CDH18: variants seen among roughly 807,000 people sequenced by gnomAD.
CDH18 encodes the protein cadherin-18.
A neutral mutation model predicts 67.9 loss-of-function variants in CDH18; 31 were observed. That is an observed-to-expected ratio of 0.46 (90% CI 0.34 to 0.62). The LOEUF is 0.62. Among genes scored for constraint, CDH18 ranks in the 20% least tolerant of loss-of-function variants. The pLI, the probability that CDH18 is intolerant of heterozygous loss-of-function variation, is 0.01. For synonymous variants in CDH18, 362 were observed against 347.2 expected, an observed-to-expected ratio of 1.04 and a Z score of -0.48; for missense variants, 890 against 975.5, an observed-to-expected ratio of 0.91 and a Z score of 1.17.
intron 6 of CDH18, among the ~76,000 whole-genome samples, chr5:19,600,839 C>T (rs1029881684): frequency 6.6e-6 from 1 of 151,806 alleles, no homozygotes; most frequent in African/African-American, 2.4e-5. Flanking sequence ...GATTTAAATG[C>T]CTAAAAAAAC....
intron 5 of CDH18, among the ~76,000 whole-genome samples, chr5:19,655,037 C>T (rs1179118689): frequency 6.6e-6 from 1 of 152,082 alleles, no homozygotes; most frequent in Non-Finnish European, 1.5e-5. Flanking sequence ...CCAAAAGCAA[C>T]ATTTAGGCAC....
intron 2 of CDH18, among the ~76,000 whole-genome samples, chr5:20,062,398 C>A (rs1212136331): frequency 6.6e-6 from 1 of 152,012 alleles, no homozygotes; most frequent in Non-Finnish European, 1.5e-5. Context: ...AAGTGATCCA[C>A]CCACCTCGAC....
At chr5:19,800,999 T>C (rs1777405352) in intron 3 of CDH18, among the ~76,000 whole-genome samples, 1 of 151,952 alleles carries the variant, frequency 6.6e-6, no homozygotes, top group Non-Finnish European at 1.5e-5. Context: ...GCACATGCAG[T>C]CCCAGCTACT....
intron 2 of CDH18, among the ~76,000 whole-genome samples, chr5:20,231,615 AGAAAAGAAAAGAAAAGAAAG>A (rs1742085691): frequency 6.7e-6 from 1 of 148,750 alleles, no homozygotes; most frequent in Non-Finnish European, 1.5e-5. Flanking sequence ...AGAAAAAAAA[AGAAAAGAAAAGAAAAGAAAG>A]GAAAAGAAAA....
chr5:20,535,154 G>A (rs914900347), intron 1 of CDH18, among the ~76,000 whole-genome samples: 1 of 152,062 alleles, frequency 6.6e-6, no homozygotes, highest in Non-Finnish European at 1.5e-5. Flanking sequence ...AGACATACTA[G>A]GGAGAAACCA....
At chr5:19,931,156 A>T (rs1200835824) in intron 2 of CDH18, among the ~76,000 whole-genome samples, 2 of 151,992 alleles carry the variant, frequency 1.3e-5, no homozygotes, top group African/African-American at 4.8e-5. Context: ...ATTATTTAAG[A>T]ATATCATAAC....
chr5:19,841,031 G>A (rs775820527), intron 2 of CDH18, among the ~76,000 whole-genome samples: 1 of 152,120 alleles, frequency 6.6e-6, no homozygotes, highest in Non-Finnish European at 1.5e-5. Context: ...GTTGAGGAAA[G>A]ATGCTACACA....
intron 2 of CDH18, among the ~76,000 whole-genome samples, chr5:19,866,433 T>C (rs1331871918): frequency 6.6e-6 from 1 of 152,180 alleles, no homozygotes; most frequent in African/African-American, 2.4e-5. Flanking sequence ...GAAGGAATTC[T>C]GAAGAAGTTT....
chr5:20,359,001 C>T (rs1332736294), intron 1 of CDH18, among the ~76,000 whole-genome samples: 1 of 144,648 alleles, frequency 6.9e-6, no homozygotes, highest in African/African-American at 2.6e-5. Flanking sequence ...GGCGTGATCT[C>T]AGCTCACCGC....
At chr5:20,217,187 A>G (rs1438451861) in intron 2 of CDH18, among the ~76,000 whole-genome samples, 1 of 151,884 alleles carries the variant, frequency 6.6e-6, no homozygotes, top group Non-Finnish European at 1.5e-5. Context: ...GAGAAATAAG[A>G]AATCATCTGA....
intron 2 of CDH18, among the ~76,000 whole-genome samples, chr5:20,211,529 C>T (rs897754783): frequency 2.0e-5 from 3 of 152,066 alleles, no homozygotes; most frequent in South Asian, 2.1e-4. Context: ...GCCGGGTGCC[C>T]CTCTAAGACG....
intron 5 of CDH18, among the ~76,000 whole-genome samples, chr5:19,677,094 A>G (rs1759599697): frequency 6.6e-6 from 1 of 152,054 alleles, no homozygotes; most frequent in African/African-American, 2.4e-5. Flanking sequence ...CATTCCCAAG[A>G]CACAGAGTCA....
At chr5:20,362,016 CAG>C (rs1195808228) in intron 1 of CDH18, among the ~76,000 whole-genome samples, 6 of 151,946 alleles carry the variant, frequency 3.9e-5, no homozygotes, top group African/African-American at 1.2e-4. Flanking sequence ...GCATTCATGC[CAG>C]AGTCAATCAT....
At chr5:20,524,286 C>T (rs181667509) in intron 1 of CDH18, among the ~76,000 whole-genome samples, 599 of 152,214 alleles carry the variant, frequency 3.9e-3, no homozygotes, top group Non-Finnish European at 5.0e-3. Context: ...AATTAGTTTT[C>T]TTAGATTCAG....
At chr5:19,750,773 C>CCA (rs1295301240) in intron 3 of CDH18, among the ~76,000 whole-genome samples, 3 of 78,702 alleles carry the variant, frequency 3.8e-5, no homozygotes, top group African/African-American at 1.3e-4. Flanking sequence ...CCCCCCCCCC[C>CCA]ACTTTTTTTA....
intron 2 of CDH18, among the ~76,000 whole-genome samples, chr5:20,248,876 A>G (rs983855339): frequency 3.3e-5 from 5 of 152,218 alleles, no homozygotes; most frequent in African/African-American, 9.6e-5. Flanking sequence ...TGAGGAGTAA[A>G]TGAGTTTACA....
intron 2 of CDH18, among the ~76,000 whole-genome samples, chr5:20,107,755 T>C (rs1428942712): frequency 2.0e-5 from 3 of 151,550 alleles, no homozygotes; most frequent in African/African-American, 7.3e-5. Context: ...TTTTTCCACT[T>C]CTTTTTTTTT....
intron 1 of CDH18, among the ~76,000 whole-genome samples, chr5:20,275,223 A>C (rs574323615): frequency 6.6e-6 from 1 of 152,062 alleles, no homozygotes; most frequent in South Asian, 2.1e-4. Context: ...ATGGGAGGTG[A>C]TTGGATCATG....
At chr5:20,075,789 T>C (rs1036853018) in intron 2 of CDH18, among the ~76,000 whole-genome samples, 22 of 152,170 alleles carry the variant, frequency 1.4e-4, no homozygotes, top group Admixed American at 1.4e-3. Flanking sequence ...ATAATTTAGG[T>C]TGTGATTACA....
Sources: allele counts gnomAD v4.1 joint callset (sites outside exome capture counted in the v4.1 genomes callset), GRCh38; gene constraint gnomAD v4.1.1; transcripts MANE v1.5; gene names NCBI Gene and HGNC (gene_info 2026-07-23, HGNC 2026-07-21).